KCNH7: variants seen among roughly 807,000 people sequenced by gnomAD.
The protein encoded by KCNH7 is potassium voltage-gated channel subfamily H member 7, also known as voltage-gated inwardly rectifying potassium channel KCNH7.
Under a neutral mutation model 120.8 loss-of-function variants are expected in KCNH7, and 49 were observed. The ratio of observed to expected loss-of-function variants is 0.41; its 90% confidence interval spans 0.32 to 0.51. The LOEUF is 0.51. Ranked by LOEUF, KCNH7 falls within the 20% of genes least tolerant of loss-of-function variation. The pLI, the probability that KCNH7 is intolerant of heterozygous loss-of-function variation, is 0.38. For synonymous variants in KCNH7, 547 were observed against 516.1 expected, an observed-to-expected ratio of 1.06 and a Z score of -0.81; for missense variants, 1,097 against 1,446.6, an observed-to-expected ratio of 0.76 and a Z score of 3.92.
At chr2:162,785,521 G>A (rs190710593) in intron 2 of KCNH7, among the ~76,000 whole-genome samples, 100 of 150,486 alleles carry the variant, frequency 6.6e-4, no homozygotes, top group African/African-American at 2.2e-3. Flanking sequence ...AATAATTTGC[G>A]ACTATTGGGC....
chr2:162,803,322 T>C (rs1228195956), intron 2 of KCNH7, among the ~76,000 whole-genome samples: 2 of 151,806 alleles, frequency 1.3e-5, no homozygotes, highest in African/African-American at 2.4e-5. Context: ...AATTCTGGAT[T>C]AGCTGCCAAT....
chr2:162,412,063 T>G (rs1480493559), intron 9 of KCNH7, among the ~76,000 whole-genome samples: 1 of 151,852 alleles, frequency 6.6e-6, no homozygotes, highest in African/African-American at 2.4e-5. Context: ...AAAAATAAAT[T>G]AACCCAAAAC....
chr2:162,660,741 TCAAA>T (rs1684929430), intron 2 of KCNH7, among the ~76,000 whole-genome samples: 1 of 152,194 alleles, frequency 6.6e-6, no homozygotes, highest in South Asian at 2.1e-4. Context: ...TTATACACTG[TCAAA>T]CAAACAAAAA....
chr2:162,643,104 T>G (rs892653070), intron 2 of KCNH7, among the ~76,000 whole-genome samples: 1 of 152,338 alleles, frequency 6.6e-6, no homozygotes, highest in South Asian at 2.1e-4. Context: ...ATAGAATTTC[T>G]TCCTTTGAAA....
At chr2:162,792,839 G>T (rs567104541) in intron 2 of KCNH7, among the ~76,000 whole-genome samples, 5 of 145,990 alleles carry the variant, frequency 3.4e-5, no homozygotes, top group Non-Finnish European at 7.5e-5. Context: ...CTCTGATTTT[G>T]GTTATTTCTT....
intron 6 of KCNH7, among the ~76,000 whole-genome samples, chr2:162,487,230 A>C (rs947835967): frequency 6.6e-6 from 1 of 152,204 alleles, no homozygotes; most frequent in African/African-American, 2.4e-5. Flanking sequence ...GAACTAGTTA[A>C]TCATTAAGAA....
At chr2:162,567,352 C>G (rs1322190162) in intron 2 of KCNH7, among the ~76,000 whole-genome samples, 2 of 151,934 alleles carry the variant, frequency 1.3e-5, no homozygotes, top group Non-Finnish European at 2.9e-5. Context: ...TTTGGTGAGG[C>G]TAACAAGGTA....
chr2:162,598,663 C>T (rs1306641087), intron 2 of KCNH7, among the ~76,000 whole-genome samples: 1 of 152,036 alleles, frequency 6.6e-6, no homozygotes, highest in African/African-American at 2.4e-5. Context: ...ACTATAAAAG[C>T]CATTGTTACA....
At chr2:162,417,846 C>T (rs1232362774) in intron 9 of KCNH7, among the ~76,000 whole-genome samples, 1 of 152,144 alleles carries the variant, frequency 6.6e-6, no homozygotes. Flanking sequence ...CTGTCTTAAG[C>T]TTGACATTGT....
chr2:162,617,465 C>T (rs541094584), intron 2 of KCNH7, among the ~76,000 whole-genome samples: 77 of 151,456 alleles, frequency 5.1e-4, no homozygotes, highest in Admixed American at 1.2e-3. Context: ...GGCGACAGAG[C>T]GAGATTCCAT....
chr2:162,614,850 C>G (rs1476421769), intron 2 of KCNH7, among the ~76,000 whole-genome samples: 1 of 151,106 alleles, frequency 6.6e-6, no homozygotes, highest in Non-Finnish European at 1.5e-5. Flanking sequence ...TATATTTGTA[C>G]TCTTATATTT....
At chr2:162,495,238 A>G (rs1289446722) in intron 6 of KCNH7, among the ~76,000 whole-genome samples, 1 of 152,166 alleles carries the variant, frequency 6.6e-6, no homozygotes, top group African/African-American at 2.4e-5. Context: ...CATGACCTGC[A>G]GAACCAATTA....
intron 6 of KCNH7, among the ~76,000 whole-genome samples, chr2:162,470,428 C>T (rs1254594908): frequency 2.1e-4 from 31 of 144,830 alleles, no homozygotes; most frequent in African/African-American, 6.2e-4. Context: ...ACCCTACGCC[C>T]GGCAGCCGCC....
At chr2:162,822,880 C>T (rs1250791088) in intron 2 of KCNH7, among the ~76,000 whole-genome samples, 1 of 152,216 alleles carries the variant, frequency 6.6e-6, no homozygotes, top group African/African-American at 2.4e-5. Context: ...CACAAGCCCG[C>T]ACTCCTGTAC....
At chr2:162,645,620 C>A (rs12617471) in intron 2 of KCNH7, among the ~76,000 whole-genome samples, 15,630 of 152,104 alleles carry the variant, frequency 0.1, 1,482 homozygotes, top group East Asian at 0.28. Context: ...TCTTGGGAAA[C>A]TTTATCTAGA....
chr2:162,462,723 T>C (rs546113539), intron 6 of KCNH7, among the ~76,000 whole-genome samples: 2 of 152,200 alleles, frequency 1.3e-5, no homozygotes, highest in African/African-American at 4.8e-5. Flanking sequence ...GGATTTTCTG[T>C]GTATTTGCAA....
chr2:162,554,531 A>G (rs1692791847), intron 2 of KCNH7, among the ~76,000 whole-genome samples: 1 of 152,216 alleles, frequency 6.6e-6, no homozygotes, highest in East Asian at 1.9e-4. Context: ...GAGTGAATTC[A>G]TTTCCTTGCC....
intron 5 of KCNH7, among the ~76,000 whole-genome samples, chr2:162,506,665 CAG>C (rs1382599175): frequency 2.0e-5 from 3 of 151,698 alleles, no homozygotes; most frequent in African/African-American, 4.8e-5. Context: ...AAATTGTCCA[CAG>C]AGTTATTTAA....
chr2:162,511,045 C>T (rs959708859), intron 5 of KCNH7, among the ~76,000 whole-genome samples: 1 of 151,628 alleles, frequency 6.6e-6, no homozygotes, highest in African/African-American at 2.4e-5. Flanking sequence ...CTACCATATA[C>T]TTTAAATTGT....
Sources: allele counts gnomAD v4.1 joint callset (sites outside exome capture counted in the v4.1 genomes callset), GRCh38; gene constraint gnomAD v4.1.1; transcripts MANE v1.5; gene names NCBI Gene and HGNC (gene_info 2026-07-23, HGNC 2026-07-21).